MB21D2: variants seen among roughly 807,000 people sequenced by gnomAD.
The protein encoded by MB21D2 is Mab-21 domain containing 2.
Under a neutral mutation model 33.3 loss-of-function variants are expected in MB21D2, and 9 were observed. That is an observed-to-expected ratio of 0.27 (90% CI 0.16 to 0.47). The LOEUF is 0.47. MB21D2 is among the 20% of genes least tolerant of loss of function. The pLI is 0.99. For synonymous variants in MB21D2, 241 were observed against 236.3 expected (o/e 1.02, Z -0.18); for missense variants, 540 against 624.6 (o/e 0.86, Z 1.44).
Position 192,903,554 on chromosome 3 carries a change from C to T in MB21D2, c.211+14076G>A, listed in dbSNP as rs1714146182. ...GGTTAAATCCTCACTTTATTAGTAG[C>T]TCTGTGACTTTGGGCAAATTACTTA... is the stretch of plus-strand genomic sequence containing the variant. On this transcript the variant is annotated intron_variant, in intron 1 of 1. Coordinates refer to ENST00000392452, the MANE Select transcript of MB21D2 (RefSeq NM_178496.4). Among the ~76,000 whole-genome samples the T allele has an allele frequency of 3.3e-5, 5 of 152,280 alleles. 1 individual carries two copies. In the South Asian group the frequency reaches 1.0e-3, roughly 32 times the overall value.
At chr3:192,800,760 G>A (rs994812231) in intron 1 of MB21D2, among the ~76,000 whole-genome samples, 11 of 152,266 alleles carry the variant, frequency 7.2e-5, no homozygotes, top group African/African-American at 2.6e-4. Flanking sequence ...CTTTGTTCAT[G>A]GAACGCCATT....
intron 1 of MB21D2, among the ~76,000 whole-genome samples, chr3:192,868,992 A>G (rs1157684423): frequency 6.6e-6 from 1 of 152,196 alleles, no homozygotes; most frequent in Non-Finnish European, 1.5e-5. Flanking sequence ...TGTTAAAAGA[A>G]ATATACAGCA....
chr3:192,895,690 A>C (rs572891685), intron 1 of MB21D2, among the ~76,000 whole-genome samples: 9 of 152,054 alleles, frequency 5.9e-5, no homozygotes, highest in Admixed American at 1.3e-4. Context: ...AAATCACTAG[A>C]AACTTCATTC....
chr3:192,863,982 A>G (rs1430210069), intron 1 of MB21D2, among the ~76,000 whole-genome samples: 4 of 152,242 alleles, frequency 2.6e-5, no homozygotes, highest in Non-Finnish European at 5.9e-5. Context: ...ATGGACTAAG[A>G]CACTCCCCAC....
intron 1 of MB21D2, among the ~76,000 whole-genome samples, chr3:192,869,750 T>G (rs6783725): frequency 0.6 from 90,545 of 152,000 alleles, 28,484 homozygotes; most frequent in African/African-American, 0.79. Flanking sequence ...CTGCCATCAA[T>G]GAGCCTATTC....
At chr3:192,910,298 C>CAAAA (rs747554734) in intron 1 of MB21D2, among the ~76,000 whole-genome samples, 5 of 52,236 alleles carry the variant, frequency 9.6e-5, no homozygotes, top group African/African-American at 2.5e-4. Flanking sequence ...ACCATCTCTA[C>CAAAA]AAAAAAAAAA....
At chr3:192,860,483 G>A (rs189971905) in intron 1 of MB21D2, among the ~76,000 whole-genome samples, 1 of 152,220 alleles carries the variant, frequency 6.6e-6, no homozygotes, top group African/African-American at 2.4e-5. Flanking sequence ...AAAAATAAAG[G>A]CAGTAGAATA....
At chr3:192,828,774 G>A (rs551846788) in intron 1 of MB21D2, among the ~76,000 whole-genome samples, 37 of 149,368 alleles carry the variant, frequency 2.5e-4, no homozygotes, top group African/African-American at 7.1e-4. Flanking sequence ...TCAGCCTCCC[G>A]AGTAGCTAGG....
At chr3:192,858,143 A>C (rs1712959582) in intron 1 of MB21D2, among the ~76,000 whole-genome samples, 1 of 152,166 alleles carries the variant, frequency 6.6e-6, no homozygotes, top group Non-Finnish European at 1.5e-5. Flanking sequence ...AAAACAAAAC[A>C]AACAAACAAA....
intron 1 of MB21D2, among the ~76,000 whole-genome samples, chr3:192,840,415 C>CTTTTTTT (rs71177380): frequency 0.099 from 8,817 of 88,756 alleles, 23 homozygotes; most frequent in Non-Finnish European, 0.12. Flanking sequence ...TCTCTTTTTT[C>CTTTTTTT]TTTTTTTTTT....
intron 1 of MB21D2, among the ~76,000 whole-genome samples, chr3:192,822,884 C>A (rs1195861640): frequency 6.6e-6 from 1 of 152,166 alleles, no homozygotes; most frequent in African/African-American, 2.4e-5. Flanking sequence ...CACTCCGACA[C>A]CCTGGTATCA....
chr3:192,816,147 T>C (rs1423718615), intron 1 of MB21D2, among the ~76,000 whole-genome samples: 1 of 152,058 alleles, frequency 6.6e-6, no homozygotes, highest in Non-Finnish European at 1.5e-5. Context: ...GCTGTATTTA[T>C]ATTGTGTCCC....
intron 1 of MB21D2, among the ~76,000 whole-genome samples, chr3:192,865,815 G>A (rs117949241): frequency 0.024 from 3,676 of 152,242 alleles, 157 homozygotes; most frequent in East Asian, 0.15. Context: ...GGAGGTGAAG[G>A]CAGGAGGATT....
chr3:192,818,298 T>C (rs535533111), intron 1 of MB21D2, among the ~76,000 whole-genome samples: 4 of 152,268 alleles, frequency 2.6e-5, no homozygotes, highest in African/African-American at 7.2e-5. Context: ...TCTGACCTAC[T>C]ACAGAATATG....
At chr3:192,914,635 C>T (rs1714423143) in intron 1 of MB21D2, among the ~76,000 whole-genome samples, 1 of 151,844 alleles carries the variant, frequency 6.6e-6, no homozygotes, top group African/African-American at 2.4e-5. Flanking sequence ...GATAATAACA[C>T]CAATCATTCT....
intron 1 of MB21D2, among the ~76,000 whole-genome samples, chr3:192,906,933 T>C (rs1037339284): frequency 6.6e-6 from 1 of 152,260 alleles, no homozygotes; most frequent in Non-Finnish European, 1.5e-5. Context: ...ACAAGACTTA[T>C]ACCAACTCCC....
chr3:192,872,074 T>C (rs2108638331), intron 1 of MB21D2, among the ~76,000 whole-genome samples: 1 of 152,274 alleles, frequency 6.6e-6, no homozygotes, highest in African/African-American at 2.4e-5. Flanking sequence ...AACTGAGGTG[T>C]GGAAATAATC....
At chr3:192,894,273 C>T (rs928923975) in intron 1 of MB21D2, among the ~76,000 whole-genome samples, 11 of 151,748 alleles carry the variant, frequency 7.2e-5, no homozygotes, top group Non-Finnish European at 7.4e-5. Context: ...GGATTATAGG[C>T]GCCCACCACC....
At chr3:192,813,291 C>T (rs1560227898) in intron 1 of MB21D2, among the ~76,000 whole-genome samples, 1 of 124,070 alleles carries the variant, frequency 8.1e-6, no homozygotes. Flanking sequence ...CTTGCACTTA[C>T]TGCAGTTAAT....
Sources: gnomAD v4.1 joint callset for allele counts (sites outside exome capture counted in the v4.1 genomes callset) on GRCh38, gnomAD v4.1.1 for gene constraint, MANE v1.5 for transcripts, NCBI Gene and HGNC (gene_info 2026-07-23, HGNC 2026-07-21) for gene names.